The following DPP6 variants were observed in gnomAD, a reference collection of about 807,000 sequenced individuals.
DPP6 encodes A-type potassium channel modulatory protein DPP6.
DPP6 carries 69 observed loss-of-function variants against 122.6 expected under a neutral mutation model. The observed-to-expected ratio is 0.56, with a 90% confidence interval of 0.46 to 0.69. DPP6 has a LOEUF of 0.69. DPP6 is among the 30% of genes least tolerant of loss of function. The pLI, the probability that DPP6 is intolerant of heterozygous loss-of-function variation, is 0.00. For synonymous variants in DPP6, 418 were observed against 433.1 expected, an observed-to-expected ratio of 0.97 and a Z score of 0.43; for missense variants, 928 against 1,116.9, an observed-to-expected ratio of 0.83 and a Z score of 2.41.
chr7:153,911,738 A>G (rs1235199785), intron 1 of DPP6, among the ~76,000 whole-genome samples: 1 of 152,234 alleles, frequency 6.6e-6, no homozygotes, highest in Non-Finnish European at 1.5e-5. Context: ...ATATAGGAGG[A>G]CAGAGAGGAC....
At chr7:154,690,691 C>T (rs941260669) in intron 7 of DPP6, among the ~76,000 whole-genome samples, 2 of 152,118 alleles carry the variant, frequency 1.3e-5, no homozygotes, top group African/African-American at 4.8e-5. Flanking sequence ...CTGGACACAC[C>T]CTACAGAAAG....
At chr7:154,362,068 G>T (rs1376350138) in intron 1 of DPP6, among the ~76,000 whole-genome samples, 1 of 152,254 alleles carries the variant, frequency 6.6e-6, no homozygotes, top group Non-Finnish European at 1.5e-5. Context: ...GACCAACATT[G>T]TTGAGGAGTA....
chr7:153,922,784 G>C (rs1000466427), intron 1 of DPP6, among the ~76,000 whole-genome samples: 1 of 152,106 alleles, frequency 6.6e-6, no homozygotes, highest in East Asian at 1.9e-4. Context: ...GGAGAGAAAG[G>C]GTTCTATCCT....
the DPP6 span, among the ~76,000 whole-genome samples, chr7:153,815,612 A>C: frequency 6.6e-6 from 1 of 151,774 alleles, no homozygotes; most frequent in African/African-American, 2.4e-5. Context: ...AAAATCCTGA[A>C]GCATCCCAGT....
At chr7:154,462,304 A>T (rs1466861482) in intron 2 of DPP6, among the ~76,000 whole-genome samples, 3 of 152,162 alleles carry the variant, frequency 2.0e-5, no homozygotes, top group Non-Finnish European at 4.4e-5. Flanking sequence ...TGATTCATCC[A>T]GTTTTGTTCA....
At chr7:154,391,982 G>A (rs1183686616) in intron 1 of DPP6, among the ~76,000 whole-genome samples, 1 of 152,146 alleles carries the variant, frequency 6.6e-6, no homozygotes, top group Admixed American at 6.6e-5. Flanking sequence ...GTCAGAAAAT[G>A]TGCTATTCTG....
At chr7:154,160,487 G>T (rs1322743982) in intron 1 of DPP6, among the ~76,000 whole-genome samples, 1 of 152,176 alleles carries the variant, frequency 6.6e-6, no homozygotes, top group Non-Finnish European at 1.5e-5. Context: ...TGCTTGTGTG[G>T]TCTACATTGT....
rs1554430259 is a variant in DPP6 at position 154,668,219 on chromosome 7, A to ATATATATATATATATATATATAT, written c.681-1141_681-1140insTATATATATATATATATATATAT. On this transcript the variant is annotated intron_variant, in intron 6 of 25. Transcript: ENST00000377770. ...ATTTTATATATATATATATATATATAATATACACATTTTTTTTTCAAGACA... is the reference window on the plus strand; with the variant it reads ...ATTTTATATATATATATATATATATATATATATATATATATATATATATATATACACATTTTTTTTTCAAGACA... Among the ~76,000 whole-genome samples the ATATATATATATATATATATATAT allele has an allele frequency of 8.5e-4, 46 of 54,346 alleles. 1 individual carries two copies. Among genetic ancestry groups the ATATATATATATATATATATATAT allele is most frequent in the South Asian group, 2.2e-3 (2 of 898 alleles). The allele number at this position is 54,346 out of a possible 152,430, so 35.7% of individuals were successfully genotyped here.
intron 1 of DPP6, among the ~76,000 whole-genome samples, chr7:154,358,452 C>T (rs1295050043): frequency 1.3e-5 from 2 of 152,112 alleles, no homozygotes; most frequent in Non-Finnish European, 2.9e-5. Context: ...TGAAAGGTGT[C>T]ATGTGCGCCG....
intron 1 of DPP6, among the ~76,000 whole-genome samples, chr7:153,979,439 T>C (rs1796467615): frequency 6.6e-6 from 1 of 152,146 alleles, no homozygotes; most frequent in Non-Finnish European, 1.5e-5. Flanking sequence ...GCTTAAGGAG[T>C]TTTTGGGCTG....
intron 21 of DPP6, among the ~76,000 whole-genome samples, chr7:154,882,893 G>A (rs7779754): frequency 0.33 from 49,709 of 152,050 alleles, 8,373 homozygotes; most frequent in East Asian, 0.5. Context: ...CGGAACGATC[G>A]TGCAGGTCAT....
At chr7:153,936,773 T>C (rs1034892243) in intron 1 of DPP6, among the ~76,000 whole-genome samples, 4 of 151,562 alleles carry the variant, frequency 2.6e-5, no homozygotes, top group African/African-American at 4.9e-5. Context: ...ATCAAGCCAC[T>C]GCACTCCAGC....
chr7:154,104,743 C>T (rs1023964189), intron 1 of DPP6, among the ~76,000 whole-genome samples: 1 of 152,162 alleles, frequency 6.6e-6, no homozygotes, highest in Admixed American at 6.5e-5. Flanking sequence ...GCTTACATAA[C>T]ATACACTCAA....
intron 25 of DPP6, chr7:154,890,204 A>G (rs938501307): frequency 5.2e-5 from 8 of 152,594 alleles, no homozygotes; most frequent in African/African-American, 1.9e-4. Flanking sequence ...GTATGACCCA[A>G]TGGTCTCTTC....
intron 1 of DPP6, among the ~76,000 whole-genome samples, chr7:154,128,377 C>T (rs116609864): frequency 0.031 from 4,660 of 152,102 alleles, 222 homozygotes; most frequent in African/African-American, 0.11. Flanking sequence ...CCCAGGAATT[C>T]GAGACTGGGC....
At chr7:154,751,057 G>A (rs1046361973) in intron 8 of DPP6, among the ~76,000 whole-genome samples, 2 of 152,198 alleles carry the variant, frequency 1.3e-5, no homozygotes, top group African/African-American at 4.8e-5. Context: ...GCTCTCTCAT[G>A]TATAAAATGT....
chr7:153,945,309 C>T (rs977329722), intron 1 of DPP6, among the ~76,000 whole-genome samples: 2 of 152,146 alleles, frequency 1.3e-5, no homozygotes, highest in African/African-American at 2.4e-5. Context: ...CGGAAGTTCC[C>T]AGCCATGCCT....
chr7:153,916,480 C>T (rs189411611), intron 1 of DPP6, among the ~76,000 whole-genome samples: 4,306 of 147,922 alleles, frequency 0.029, 90 homozygotes, highest in Admixed American at 0.06. Flanking sequence ...GGCACGATCT[C>T]GGCTCACTGC....
chr7:154,502,440 G>T (rs1236255982), intron 3 of DPP6, among the ~76,000 whole-genome samples: 1 of 152,280 alleles, frequency 6.6e-6, no homozygotes, highest in East Asian at 1.9e-4. Context: ...TTAGTGGGAG[G>T]TGATGAATTA....
Sources: allele counts gnomAD v4.1 joint callset (sites outside exome capture counted in the v4.1 genomes callset), GRCh38; gene constraint gnomAD v4.1.1; transcripts MANE v1.5; gene names NCBI Gene and HGNC (gene_info 2026-07-23, HGNC 2026-07-21).